Variants in SATB1 observed in about 807,000 individuals in gnomAD.
SATB1 encodes SATB homeobox 1.
In SATB1, 11 loss-of-function variants were observed where a neutral mutation model predicts 86.9. The ratio of observed to expected loss-of-function variants is 0.13; its 90% confidence interval spans 0.08 to 0.21. The LOEUF (loss-of-function observed/expected upper bound fraction) is 0.21. Among genes scored for constraint, SATB1 ranks in the 10% least tolerant of loss-of-function variants. The pLI is 1.00. For missense variants in SATB1, 551 were observed against 937.6 expected, an observed-to-expected ratio of 0.59 and a Z score of 5.39; for synonymous variants, 357 against 357.2, an observed-to-expected ratio of 1.00 and a Z score of 0.01.
intron 2 of SATB1, among the ~76,000 whole-genome samples, chr3:18,432,637 T>A (rs906199590): frequency 5.3e-5 from 8 of 152,050 alleles, no homozygotes; most frequent in African/African-American, 1.9e-4. Context: ...GAAATTAAAT[T>A]CAAAACTAAA....
chr3:18,370,205 G>A (rs1250398549), intron 9 of SATB1, among the ~76,000 whole-genome samples: 2 of 152,106 alleles, frequency 1.3e-5, no homozygotes, highest in African/African-American at 4.8e-5. Context: ...AAGCAACAAA[G>A]CATATTTTGG....
At chr3:18,416,553 A>AC (rs1236861103) in intron 3 of SATB1, among the ~76,000 whole-genome samples, 1 of 152,104 alleles carries the variant, frequency 6.6e-6, no homozygotes, top group African/African-American at 2.4e-5. Flanking sequence ...AAGAAACAGA[A>AC]CTAGATATTC....
chr3:18,444,914 G>C lies in SATB1; in HGVS notation c.-25+604C>G, dbSNP rs1038352619. On this transcript the variant is annotated intron_variant, in intron 1 of 3. Transcript: ENST00000415069. This position sits in a 1 kb window ranked among gnomAD's most constrained non-coding sequence, Gnocchi z 5.1. The stretch of plus-strand genomic sequence containing the variant: ...GGGAGGAGATGTTAACGGGCGGGGG[G>C]GGGAGAAGGGGGAGGGGGCGGCGGC... The C allele has an allele frequency of 8.0e-6, 1 of 124,432 alleles. No individual in the cohort carries two copies. The highest frequency in any genetic ancestry group is 1.8e-5 in the Non-Finnish European group (1 of 56,882). 7.7% of individuals were successfully genotyped at this position (124,432 alleles called of 1,614,324 possible).
chr3:18,436,071 G>A (rs919179186), intron 2 of SATB1, among the ~76,000 whole-genome samples: 7 of 152,078 alleles, frequency 4.6e-5, no homozygotes, highest in African/African-American at 1.7e-4. Flanking sequence ...GAATATTTTG[G>A]ATGCAGCTAA....
intron 9 of SATB1, among the ~76,000 whole-genome samples, chr3:18,368,265 C>G (rs1316172712): frequency 6.6e-6 from 1 of 152,020 alleles, no homozygotes; most frequent in African/African-American, 2.4e-5. Flanking sequence ...CTATATCTTG[C>G]AAAATGATTA....
intron 9 of SATB1, among the ~76,000 whole-genome samples, chr3:18,372,057 C>G (rs758932558): frequency 1.4e-3 from 217 of 152,304 alleles, no homozygotes; most frequent in Non-Finnish European, 2.6e-3. Flanking sequence ...TCTTAGTTTA[C>G]ACTTTTCAGC....
At chr3:18,397,390 G>A (rs1697018535) in intron 5 of SATB1, 100 bp from the exon 6 acceptor site, 4 of 731,836 alleles carry the variant, frequency 5.5e-6, no homozygotes, top group Non-Finnish European at 9.6e-6. Flanking sequence ...TTAATCAACT[G>A]AGTACCAATA....
chr3:18,389,014 T>C (rs1696490847), intron 7 of SATB1, among the ~76,000 whole-genome samples: 1 of 152,140 alleles, frequency 6.6e-6, no homozygotes, highest in Non-Finnish European at 1.5e-5. Flanking sequence ...AAGGTAGTTA[T>C]GTCACTTGGG....
Position 18,423,951 on chromosome 3 carries a change from A to G in SATB1, c.-349T>C, listed in dbSNP as rs6762753. 124,055 of 151,588 alleles carry G rather than the reference A, an allele frequency of 0.82. 51,017 individuals are homozygous for G. The highest frequency in any genetic ancestry group is 0.86 in the Admixed American group (13,105 of 15,288). The allele number at this position is 151,588 out of a possible 1,614,324, so 9.4% of individuals were successfully genotyped here. A position where few individuals can be genotyped will look rare whatever the true frequency, so the allele number is the denominator to read the frequency against. On this transcript the variant is annotated 5_prime_UTR_variant, in exon 1 of 11. Coordinates refer to ENST00000338745, the MANE Select transcript of SATB1 (RefSeq NM_002971.6). ...TGTAAAATGTCTAACCTCAGAGAAC[A>G]GGGTTTGCGATGGGGAGGAGGGGAG...
chr3:18,379,531 C>T (rs1469621920), intron 8 of SATB1, among the ~76,000 whole-genome samples: 1 of 152,088 alleles, frequency 6.6e-6, no homozygotes, highest in Non-Finnish European at 1.5e-5. Context: ...GTAGAATAAA[C>T]AAATGATTTT....
chr3:18,428,595 AT>A (rs1487959446), upstream of SATB1, among the ~76,000 whole-genome samples: 1 of 152,256 alleles, frequency 6.6e-6, no homozygotes, highest in Non-Finnish European at 1.5e-5. Context: ...GCATGCAAGT[AT>A]TGAAGAAAGT....
rs558200016 is a variant in SATB1 at position 18,374,493 on chromosome 3, A to AT, written c.1575+3676dup. On this transcript the variant is annotated intron_variant, in intron 9 of 10. Transcript: ENST00000338745. ...TTTGAATACCCAGAATATAAAGTGT[A>AT]TTCATTTGTAGCTACTCACATTATG... is the stretch of plus-strand genomic sequence containing the variant. 3.3e-4 allele frequency among the ~76,000 whole-genome samples: 51 copies of AT among 152,320 alleles called. No homozygotes were observed. In the South Asian group the frequency reaches 9.7e-3, roughly 29 times the overall value.
chr3:18,357,476 G>GT (rs1324828058), intron 9 of SATB1, among the ~76,000 whole-genome samples: 3 of 146,700 alleles, frequency 2.0e-5, no homozygotes, highest in Non-Finnish European at 4.4e-5. Flanking sequence ...AAAAGAATCT[G>GT]TAAGTGTTAC....
At chr3:18,369,441 G>C (rs1695348782) in intron 9 of SATB1, among the ~76,000 whole-genome samples, 1 of 151,794 alleles carries the variant, frequency 6.6e-6, no homozygotes, top group African/African-American at 2.4e-5. Context: ...AAAATAACCT[G>C]GAAAAAAACT....
At chr3:18,371,352 A>G (rs1695472139) in intron 9 of SATB1, among the ~76,000 whole-genome samples, 1 of 152,228 alleles carries the variant, frequency 6.6e-6, no homozygotes, top group South Asian at 2.1e-4. Flanking sequence ...TATAAATTAC[A>G]GAGTAGTTAT....
At chr3:18,411,287 C>T (rs552260280) in intron 5 of SATB1, among the ~76,000 whole-genome samples, 6 of 152,004 alleles carry the variant, frequency 3.9e-5, no homozygotes, top group East Asian at 1.9e-4. Context: ...TGTGCACGCG[C>T]GAGTATGTAC....
upstream of SATB1, among the ~76,000 whole-genome samples, chr3:18,439,859 T>C (rs555962037): frequency 1.1e-3 from 164 of 152,206 alleles, no homozygotes; most frequent in African/African-American, 3.8e-3. Flanking sequence ...ATTTTTATCA[T>C]AAAAGAAAAA....
At chr3:18,366,404 T>C (rs1695188092) in intron 9 of SATB1, among the ~76,000 whole-genome samples, 1 of 152,038 alleles carries the variant, frequency 6.6e-6, no homozygotes, top group Admixed American at 6.6e-5. Context: ...TTTAATGTGC[T>C]ATTAAAGTTT....
chr3:18,390,260 T>C (rs1575128156), intron 7 of SATB1, among the ~76,000 whole-genome samples: 1 of 152,154 alleles, frequency 6.6e-6, no homozygotes, highest in Admixed American at 6.5e-5. Flanking sequence ...ATCAGCTTCA[T>C]GGAACTTCAA....
Sources: allele counts gnomAD v4.1 joint callset (sites outside exome capture counted in the v4.1 genomes callset), GRCh38; gene constraint gnomAD v4.1.1; non-coding constraint Gnocchi (gnomAD v3.1); transcripts MANE v1.5; gene names NCBI Gene and HGNC (gene_info 2026-07-23, HGNC 2026-07-21).